ABL2: variants seen among roughly 807,000 people sequenced by gnomAD.
The protein encoded by ABL2 is ABL proto-oncogene 2, non-receptor tyrosine kinase.
ABL2 carries 49 observed loss-of-function variants against 107.7 expected under a neutral mutation model. The ratio of observed to expected loss-of-function variants is 0.45; its 90% CI spans 0.36 to 0.58. ABL2 has a LOEUF of 0.58. Ranked by LOEUF, ABL2 falls within the 20% of genes least tolerant of loss-of-function variation. ABL2 has a pLI of 0.00. For synonymous variants in ABL2, 549 were observed against 548.6 expected (o/e 1.00, Z -0.01); for missense variants, 1,245 against 1,457.0 (o/e 0.85, Z 2.37).
At chr1:179,151,722 G>C (rs1014928741) in intron 1 of ABL2, among the ~76,000 whole-genome samples, 23 of 152,006 alleles carry the variant, frequency 1.5e-4, no homozygotes, top group African/African-American at 5.6e-4. Flanking sequence ...TTAAATTTAA[G>C]TAACTATAAT....
chr1:179,172,379 T>A (rs1399222018), intron 1 of ABL2, among the ~76,000 whole-genome samples: 1 of 152,188 alleles, frequency 6.6e-6, no homozygotes, highest in Non-Finnish European at 1.5e-5. Flanking sequence ...TCTAAGTCAG[T>A]CTTTTTCAAT....
chr1:179,122,237 T>C (rs1655283740), intron 4 of ABL2, among the ~76,000 whole-genome samples: 1 of 143,154 alleles, frequency 7.0e-6, no homozygotes, highest in Non-Finnish European at 1.5e-5. Context: ...TTAAAGCCCA[T>C]ATTTCACTGG....
intron 1 of ABL2, among the ~76,000 whole-genome samples, chr1:179,200,919 C>G (rs1326862774): frequency 3.7e-4 from 57 of 152,182 alleles, no homozygotes; most frequent in Admixed American, 3.7e-3. Context: ...TGAATTAAAA[C>G]AACATGTGTA....
At chr1:179,210,055 G>C (rs1662178812) in intron 1 of ABL2, among the ~76,000 whole-genome samples, 1 of 151,874 alleles carries the variant, frequency 6.6e-6, no homozygotes, top group African/African-American at 2.4e-5. Flanking sequence ...TTAAAGACAG[G>C]GGTCTTGCTA....
At chr1:179,191,452 C>T (rs796741670) in intron 1 of ABL2, among the ~76,000 whole-genome samples, 1 of 100,376 alleles carries the variant, frequency 1.0e-5, no homozygotes, top group African/African-American at 3.9e-5. Context: ...CGGAGTTTCG[C>T]TCTTATTGCC....
chr1:179,110,381 G>A lies in ABL2; in HGVS notation c.1726C>T (p.Pro576Ser). 6.2e-7 allele frequency: 1 copy of A among 1,614,204 alleles called. No homozygotes were observed. Among genetic ancestry groups the A allele is most frequent in the Non-Finnish European group, 8.5e-7 (1 of 1,180,046 alleles). ...TTCTTCAGTGTCCGAGTCTTGGAAGGAAGTATAGGTAGCCGGGGCAGGTAT... is the reference window on the plus strand; with the variant it reads ...TTCTTCAGTGTCCGAGTCTTGGAAGAAAGTATAGGTAGCCGGGGCAGGTAT... ...VPYLPRLPIL[P>S]SKTRTLKKQV... The change falls in exon 11 of 12, where the codon CCT (proline) becomes TCT (serine). Residue 576 changes from proline to serine, a missense_variant. Transcript: ENST00000502732.
intron 1 of ABL2, among the ~76,000 whole-genome samples, chr1:179,165,601 T>C (rs1354014614): frequency 1.3e-5 from 2 of 152,044 alleles, no homozygotes; most frequent in Middle Eastern, 3.2e-3. Context: ...TTTGTTGGCA[T>C]TGAGAAGCCA....
At chr1:179,154,490 C>T (rs1466730070) in intron 1 of ABL2, among the ~76,000 whole-genome samples, 4 of 152,176 alleles carry the variant, frequency 2.6e-5, no homozygotes, top group African/African-American at 7.2e-5. Context: ...CTGTGTTTTC[C>T]TCCTGCCTCT....
At chr1:179,218,289 G>A (rs1454997832) in intron 1 of ABL2, among the ~76,000 whole-genome samples, 2 of 152,218 alleles carry the variant, frequency 1.3e-5, no homozygotes, top group Non-Finnish European at 2.9e-5. Context: ...TGACTTGCAT[G>A]TGGACACTAA....
intron 1 of ABL2, among the ~76,000 whole-genome samples, chr1:179,227,717 A>G (rs1286064396): frequency 6.6e-6 from 1 of 152,190 alleles, no homozygotes; most frequent in Non-Finnish European, 1.5e-5. Flanking sequence ...ACCTTCATAA[A>G]GTGTTCATAT....
intron 1 of ABL2, 24 bp from the exon 2 acceptor site, chr1:179,133,398 C>T (rs754422180): frequency 1.5e-5 from 25 of 1,613,864 alleles, no homozygotes; most frequent in Middle Eastern, 1.6e-4. Context: ...AAATTGACCA[C>T]GTCACTTTTC....
chr1:179,202,688 A>T lies in ABL2; in HGVS notation c.157+26553T>A, dbSNP rs865845939. On this transcript the variant is annotated intron_variant, in intron 1 of 11. Transcript: ENST00000502732. ...TTCCCCTACAATCACTTCTGTTAAC[A>T]TATGTCCTGTCCTCATGTAAACTTA... is the stretch of plus-strand genomic sequence containing the variant. 2.4e-4 allele frequency among the ~76,000 whole-genome samples: 37 copies of T among 152,346 alleles called. No homozygotes were observed. The South Asian group carries it at 2.5e-3, about 10-fold the overall frequency.
At chr1:179,204,864 T>C (rs1661866416) in intron 1 of ABL2, among the ~76,000 whole-genome samples, 1 of 152,182 alleles carries the variant, frequency 6.6e-6, no homozygotes, top group South Asian at 2.1e-4. Context: ...TGAATCTGAT[T>C]AATAGACTCT....
chr1:179,217,461 A>G (rs1234997017), intron 1 of ABL2, among the ~76,000 whole-genome samples: 1 of 151,930 alleles, frequency 6.6e-6, no homozygotes, highest in Non-Finnish European at 1.5e-5. Flanking sequence ...CCCCATCTCT[A>G]CTAAAAACAC....
At chr1:179,151,505 T>C (rs886969339) in intron 1 of ABL2, among the ~76,000 whole-genome samples, 2 of 152,204 alleles carry the variant, frequency 1.3e-5, no homozygotes, top group African/African-American at 2.4e-5. Flanking sequence ...TTTTCTCAAG[T>C]TTCTGTAGGT....
chr1:179,155,915 G>C (rs2102740686), intron 1 of ABL2, among the ~76,000 whole-genome samples: 1 of 152,100 alleles, frequency 6.6e-6, no homozygotes, highest in African/African-American at 2.4e-5. Context: ...AGGATGAGCT[G>C]AACAAAAATC....
At chr1:179,173,071 T>C (rs1216764606) in intron 1 of ABL2, among the ~76,000 whole-genome samples, 1 of 151,738 alleles carries the variant, frequency 6.6e-6, no homozygotes, top group East Asian at 2.0e-4. Flanking sequence ...GCGCCTGTAG[T>C]CCCAGCTACC....
chr1:179,124,802 T>G (rs992449359), intron 4 of ABL2, among the ~76,000 whole-genome samples: 13 of 152,160 alleles, frequency 8.5e-5, no homozygotes, highest in African/African-American at 3.1e-4. Flanking sequence ...TCACACAATA[T>G]GTATTGTTTT....
intron 1 of ABL2, among the ~76,000 whole-genome samples, chr1:179,151,299 C>A (rs576000430): frequency 2.0e-5 from 3 of 152,244 alleles, no homozygotes; most frequent in African/African-American, 7.2e-5. Context: ...GTATTCAAAT[C>A]CTATATTTCT....
Sources: gnomAD v4.1 joint callset for allele counts (sites outside exome capture counted in the v4.1 genomes callset) on GRCh38, gnomAD v4.1.1 for gene constraint, MANE v1.5 for transcripts, NCBI Gene and HGNC (gene_info 2026-07-23, HGNC 2026-07-21) for gene names.